FRY: variants seen among roughly 807,000 people sequenced by gnomAD.
The protein encoded by FRY is FRY microtubule binding protein.
FRY carries 128 observed loss-of-function variants against 348.4 expected under a neutral mutation model. The observed-to-expected ratio is 0.37, with a 90% CI of 0.32 to 0.43. The LOEUF (loss-of-function observed/expected upper bound fraction) is 0.43. Ranked by LOEUF, FRY falls within the 20% of genes least tolerant of loss-of-function variation. The pLI is 1.00. For synonymous variants in FRY, 1,370 were observed against 1,374.7 expected (o/e 1.00, Z 0.08); for missense variants, 2,736 against 3,695.2 (o/e 0.74, Z 6.73).
Position 32,231,281 on chromosome 13 carries a change from A to C in FRY, c.5508A>C (p.Val1836=), listed in dbSNP as rs989492048. Residue 1836 remains valine, a synonymous_variant, in exon 41 of 61, where the codon GTA becomes GTC. Transcript: ENST00000542859. ...LTNFLRHVVS[V]FKDSKSGFHL... ...ATTTTCTACGTCACGTTGTATCTGT[A>C]TTTAAAGATTCCAAATCAGGTACTT... 1 of 1,613,660 alleles carries C rather than the reference A, an allele frequency of 6.2e-7. No individual in the cohort carries two copies. Among genetic ancestry groups the C allele is most frequent in the Non-Finnish European group, 8.5e-7 (1 of 1,179,590 alleles).
chr13:32,212,204 A>C, intron 34 of FRY, 88 bp from the exon 35 acceptor site: 1 of 760,918 alleles, frequency 1.3e-6, no homozygotes, highest in African/African-American at 1.7e-5. Context: ...ATTTACAGGA[A>C]ATCTTTCCCT....
At chr13:32,102,159 T>G in intron 3 of FRY, 143 bp downstream of exon 3, 1 of 640,992 alleles carries the variant, frequency 1.6e-6, no homozygotes, top group Non-Finnish European at 2.9e-6. Flanking sequence ...TACCCTGCAG[T>G]TTTCATGGTT....
At chr13:32,247,589 AC>A in intron 48 of FRY, 87 bp downstream of exon 48, 1 of 1,036,050 alleles carries the variant, frequency 9.7e-7, no homozygotes. Context: ...AAAAAAGAAG[AC>A]TTATTTGACA....
chr13:32,225,821 C>T lies in FRY; in HGVS notation c.5053C>T (p.His1685Tyr). 1.2e-6 allele frequency: 2 copies of T among 1,614,082 alleles called. No individual in the cohort carries two copies. The highest frequency in any genetic ancestry group is 1.7e-6 in the Non-Finnish European group (2 of 1,179,946). ...CCACTACCGGCCTGAAGTCTTTGAACACAGCAAAAAACTGCTTCTTCACCT... is the reference window on the plus strand; with the variant it reads ...CCACTACCGGCCTGAAGTCTTTGAATACAGCAAAAAACTGCTTCTTCACCT... ...LDHYRPEVFE[H>Y]SKKLLLHLLI... Residue 1685 changes from histidine to tyrosine, a missense_variant, in exon 39 of 61, where the codon CAC becomes TAC. By Grantham distance (83) the His-to-Tyr change is moderately conservative. Around this residue, in one of 9 missense-constraint regions of FRY, gnomAD observed 794 missense variants for 977.0 expected, o/e 0.81. Coordinates refer to ENST00000542859, the MANE Select transcript of FRY (RefSeq NM_023037.3).
intron 2 of FRY, among the ~76,000 whole-genome samples, chr13:32,087,523 C>T (rs921139944): frequency 3.0e-4 from 45 of 152,160 alleles, no homozygotes; most frequent in African/African-American, 1.1e-3. Flanking sequence ...TTTTGATGAA[C>T]GGGACTGTGG....
chr13:32,201,827 T>A, intron 29 of FRY, 114 bp from the exon 30 acceptor site: 1 of 733,020 alleles, frequency 1.4e-6, no homozygotes, highest in Non-Finnish European at 2.5e-6. Context: ...GGGGTAAGAA[T>A]GTCACTAATA....
At chr13:32,242,312 G>A (rs563107111) in intron 46 of FRY, among the ~76,000 whole-genome samples, 4 of 152,152 alleles carry the variant, frequency 2.6e-5, no homozygotes, top group African/African-American at 4.8e-5. Flanking sequence ...CAACATATTC[G>A]AGAAGTTGGT....
chr13:32,144,077 G>A (rs1379780866), intron 11 of FRY, among the ~76,000 whole-genome samples: 1 of 152,092 alleles, frequency 6.6e-6, no homozygotes, highest in African/African-American at 2.4e-5. Flanking sequence ...CCAATTGGAA[G>A]ACGAGTAGTC....
At chr13:32,181,807 T>A (rs1882730623) in intron 23 of FRY, among the ~76,000 whole-genome samples, 1 of 152,062 alleles carries the variant, frequency 6.6e-6, no homozygotes, top group Non-Finnish European at 1.5e-5. Context: ...TAAATAAAAA[T>A]ATATAAGTGT....
intron 2 of FRY, among the ~76,000 whole-genome samples, chr13:32,088,760 A>C (rs1876055112): frequency 6.6e-6 from 1 of 152,254 alleles, no homozygotes; most frequent in Non-Finnish European, 1.5e-5. Context: ...TCAATTTAAT[A>C]GTATCCAATT....
At chr13:32,179,561 T>C in intron 22 of FRY, 114 bp from the exon 23 acceptor site, 1 of 788,188 alleles carries the variant, frequency 1.3e-6, no homozygotes, top group South Asian at 1.4e-5. Context: ...ATGATGGCAG[T>C]GCCTTGGGAT....
In FRY at chr13:32,276,447, T is replaced by G; in HGVS notation, c.8287-17T>G. 1.5e-6 allele frequency: 2 copies of G among 1,340,352 alleles called. No individual in the cohort carries two copies. Among genetic ancestry groups the G allele is most frequent in the Non-Finnish European group, 2.2e-6 (2 of 929,988 alleles). The allele number at this position is 1,340,352 out of a possible 1,614,324, so 83.0% of individuals were successfully genotyped here. On this transcript the variant is annotated splice_polypyrimidine_tract_variant and intron_variant, in intron 56 of 60. Coordinates refer to ENST00000542859, the MANE Select transcript of FRY (RefSeq NM_023037.3). ...GTATCTCTCTAGTTTTAATACCAATTATTTTCCTGTCTTTAGCTCCTTTCA... is the reference window on the plus strand; with the variant it reads ...GTATCTCTCTAGTTTTAATACCAATGATTTTCCTGTCTTTAGCTCCTTTCA...
chr13:32,101,872 A>G (rs947128603), intron 2 of FRY, 91 bp from the exon 3 acceptor site: 20 of 790,894 alleles, frequency 2.5e-5, no homozygotes, highest in Admixed American at 2.4e-4. Flanking sequence ...GAGAGAAATG[A>G]GTGAGAAAAA....
At chr13:32,087,094 G>A (rs142318462) in intron 2 of FRY, among the ~76,000 whole-genome samples, 1 of 152,280 alleles carries the variant, frequency 6.6e-6, no homozygotes, top group East Asian at 1.9e-4. Flanking sequence ...CATGAAAGAA[G>A]TAAACTCAAA....
intron 51 of FRY, 155 bp from the exon 52 acceptor site, chr13:32,261,461 A>G: frequency 1.3e-6 from 1 of 783,052 alleles, no homozygotes; most frequent in Non-Finnish European, 2.3e-6. Context: ...ACTACTTTTC[A>G]CATTGGGTAA....
At chr13:32,037,011 C>T (rs1404348182) in intron 1 of FRY, among the ~76,000 whole-genome samples, 1 of 142,760 alleles carries the variant, frequency 7.0e-6, no homozygotes, top group East Asian at 2.2e-4. Context: ...CTCTCTGTTT[C>T]TCTCTCTCTC....
intron 19 of FRY, among the ~76,000 whole-genome samples, chr13:32,174,500 C>G (rs1034719229): frequency 6.6e-6 from 1 of 151,924 alleles, no homozygotes. Context: ...CTCATTTGAC[C>G]CTCATAATAA....
chr13:32,083,837 A>G (rs1435355852), intron 2 of FRY, among the ~76,000 whole-genome samples: 2 of 152,010 alleles, frequency 1.3e-5, no homozygotes, highest in Admixed American at 6.6e-5. Context: ...ACCAGACTTT[A>G]TGTAAGGCAT....
chr13:32,209,261 C>T, intron 32 of FRY, 152 bp downstream of exon 32: 1 of 892,186 alleles, frequency 1.1e-6, no homozygotes, highest in Non-Finnish European at 1.8e-6. Context: ...TATGAATGGA[C>T]TTAATGCCAC....
Sources: gnomAD v4.1 joint callset for allele counts (sites outside exome capture counted in the v4.1 genomes callset) on GRCh38, gnomAD v4.1.1 for gene constraint, gnomAD v4.1.1 regional missense constraint, MANE v1.5 for transcripts, NCBI Gene and HGNC (gene_info 2026-07-23, HGNC 2026-07-21) for gene names.